Variants in PCSK6 observed in about 807,000 individuals in gnomAD.
The protein encoded by PCSK6 is paired basic amino acid cleaving enzyme 4.
PCSK6 carries 85 observed loss-of-function variants against 123.3 expected under a neutral mutation model. That is an observed-to-expected ratio of 0.69 (90% CI 0.58 to 0.83). PCSK6 has a LOEUF of 0.83. PCSK6 is among the 40% of genes least tolerant of loss of function. The probability of loss-of-function intolerance (pLI) is 0.00; values close to 1 mark genes in which losing one functional copy is unlikely to be tolerated. For missense variants in PCSK6, 1,191 were observed against 1,282.3 expected (o/e 0.93, Z 1.09); for synonymous variants, 508 against 516.0 (o/e 0.98, Z 0.21).
chr15:101,398,684 C>T lies in PCSK6; in HGVS notation c.824-108G>A, dbSNP rs1342262371. 8.3e-7 allele frequency: 1 copy of T among 1,199,642 alleles called. No individual in the cohort carries two copies. Among genetic ancestry groups the T allele is most frequent in the Non-Finnish European group, 1.2e-6 (1 of 866,036 alleles). The allele number at this position is 1,199,642 out of a possible 1,614,324, so 74.3% of individuals were successfully genotyped here. A position where few individuals can be genotyped will look rare whatever the true frequency, so the allele number is the denominator to read the frequency against. ...GAGGACACCGCATCACAGAGTCCCT[C>T]CCCAGCAGGGGCTGTTCCCAGTCAT... On this transcript the variant is annotated intron_variant, in intron 6 of 21. Coordinates refer to ENST00000611716, the MANE Select transcript of PCSK6 (RefSeq NM_002570.5). The surrounding 1 kb of genome is among the most constrained non-coding windows in gnomAD (Gnocchi z 4.6).
chr15:101,379,811 G>A (rs770305915), intron 11 of PCSK6, among the ~76,000 whole-genome samples: 2 of 152,246 alleles, frequency 1.3e-5, no homozygotes, highest in East Asian at 1.9e-4. Flanking sequence ...GGGGATACTC[G>A]CGGCTCAGGT....
rs1401860817 is a variant in PCSK6, at chr15:101,430,073, G to C, written c.658-10C>G. On this transcript the variant is annotated splice_polypyrimidine_tract_variant and intron_variant, in intron 4 of 21. Transcript: ENST00000611716. ...AGCTGGCGTAGGAATCCTAAGAAAT[G>C]GAATCGTGGTGAGTGAGGAGAAATG... The C allele has an allele frequency of 6.2e-7, 1 of 1,612,184 alleles. No homozygotes were observed. The highest frequency in any genetic ancestry group is 1.1e-5 in the South Asian group (1 of 91,022).
intron 13 of PCSK6, among the ~76,000 whole-genome samples, chr15:101,339,547 T>C (rs979739857): frequency 6.6e-6 from 1 of 152,192 alleles, no homozygotes; most frequent in Non-Finnish European, 1.5e-5. Flanking sequence ...ACTCCTATAA[T>C]TTACTCCTTA....
chr15:101,362,681 T>C (rs28645511), intron 13 of PCSK6, among the ~76,000 whole-genome samples: 4,584 of 152,214 alleles, frequency 0.03, 247 homozygotes, highest in African/African-American at 0.1. Flanking sequence ...TTACCTGATT[T>C]CATCCCACCG....
chr15:101,392,353 G>A (rs1596279198), intron 8 of PCSK6, among the ~76,000 whole-genome samples: 2 of 152,226 alleles, frequency 1.3e-5, no homozygotes, highest in Non-Finnish European at 2.9e-5. Flanking sequence ...TTTCACTGGT[G>A]CGGAGCAAAG....
At chr15:101,347,803 G>A (rs1431169340) in intron 13 of PCSK6, 2 of 1,588,712 alleles carry the variant, frequency 1.3e-6, no homozygotes, top group South Asian at 1.1e-5. Flanking sequence ...CTGAAGTGAA[G>A]CCCATGGGCT....
At chr15:101,318,816 G>A (rs972533759) in intron 18 of PCSK6, among the ~76,000 whole-genome samples, 4 of 152,254 alleles carry the variant, frequency 2.6e-5, no homozygotes, top group African/African-American at 9.6e-5. Context: ...CATTTATGGC[G>A]TGTGACGGGG....
chr15:101,304,940 T>C lies in PCSK6; in HGVS notation c.*318A>G, dbSNP rs1567131746. The C allele has an allele frequency of 3.4e-6, 1 of 296,316 alleles. No homozygotes were observed. The highest frequency in any genetic ancestry group is 6.4e-6 in the Non-Finnish European group (1 of 157,340). 18.4% of individuals were successfully genotyped at this position (296,316 alleles called of 1,614,324 possible). Reference sequence around the variant, plus strand: ...GCGCCTTTCTTTTCTGCTTTGGTCTTGAAGATTCAGTAAACTTATGGTCCC... The same window carrying C: ...GCGCCTTTCTTTTCTGCTTTGGTCTCGAAGATTCAGTAAACTTATGGTCCC... On this transcript the variant is annotated 3_prime_UTR_variant, in exon 22 of 22. Coordinates refer to ENST00000611716, the MANE Select transcript of PCSK6 (RefSeq NM_002570.5).
intron 1 of PCSK6, among the ~76,000 whole-genome samples, chr15:101,446,253 G>A (rs913511466): frequency 6.6e-6 from 1 of 152,258 alleles, no homozygotes; most frequent in Admixed American, 6.5e-5. Flanking sequence ...TCACACATTC[G>A]TCCTCTGTGA....
At chr15:101,465,303 C>T (rs570464780) in intron 1 of PCSK6, among the ~76,000 whole-genome samples, 6 of 116,000 alleles carry the variant, frequency 5.2e-5, no homozygotes, top group African/African-American at 1.9e-4. Flanking sequence ...AACACAGGCC[C>T]TAAACCCGCA....
intron 13 of PCSK6, among the ~76,000 whole-genome samples, chr15:101,342,333 A>G (rs2040633901): frequency 6.6e-6 from 1 of 152,130 alleles, no homozygotes; most frequent in South Asian, 2.1e-4. Context: ...AATTCTAAGT[A>G]AAGTGTAATA....
At chr15:101,313,605 G>C (rs2039921094) in intron 19 of PCSK6, 100 bp from the exon 20 acceptor site, 3 of 1,489,484 alleles carry the variant, frequency 2.0e-6, no homozygotes, top group Admixed American at 2.1e-5. Context: ...GTACCATTCA[G>C]GAGCCCCCAG....
At chr15:101,416,729 G>C (rs2055900661) in intron 6 of PCSK6, among the ~76,000 whole-genome samples, 1 of 152,262 alleles carries the variant, frequency 6.6e-6, no homozygotes, top group African/African-American at 2.4e-5. Context: ...GCTGAAAGGA[G>C]CCAACGTACA....
In PCSK6 at chr15:101,427,008, C is replaced by A. The variant is rs749873778; in HGVS notation, c.823+884G>T. 3.0e-4 allele frequency among the ~76,000 whole-genome samples: 45 copies of A among 152,246 alleles called. 2 individuals are homozygous for A. The highest frequency in any genetic ancestry group is 3.1e-4 in the Non-Finnish European group (21 of 67,972). The stretch of plus-strand genomic sequence containing the variant: ...GCCCTCTGGCACTCCTCTCTGCTGC[C>A]CCCACTTGCTCAGTTCCCGGGTCAG... On this transcript the variant is annotated intron_variant, in intron 6 of 21. Transcript: ENST00000611716.
chr15:101,472,096 G>A (rs1463902032), intron 1 of PCSK6, among the ~76,000 whole-genome samples: 1 of 152,176 alleles, frequency 6.6e-6, no homozygotes, highest in Non-Finnish European at 1.5e-5. Context: ...ATCGAACGGA[G>A]GCATCGCCCC....
chr15:101,326,615 C>A, intron 15 of PCSK6, 136 bp from the exon 16 acceptor site: 1 of 789,300 alleles, frequency 1.3e-6, no homozygotes, highest in Non-Finnish European at 2.0e-6. Context: ...GGCTGGACGG[C>A]CAGACGACAA....
rs2039702011 is a variant in PCSK6 at position 101,305,445 on chromosome 15, T to C, written c.2813-90A>G. On this transcript the variant is annotated intron_variant, in intron 21 of 21. Coordinates refer to ENST00000611716, the MANE Select transcript of PCSK6 (RefSeq NM_002570.5). This position sits in a 1 kb window ranked among gnomAD's most constrained non-coding sequence, Gnocchi z 4.8. The stretch of plus-strand genomic sequence containing the variant: ...TTTCAAGGCCGGGCGCGGTGCCTCA[T>C]GCCTGTAATCCCAGCACTTTGGGAG... 1 of 1,063,192 alleles carries C rather than the reference T, an allele frequency of 9.4e-7. No homozygotes were observed. The highest frequency in any genetic ancestry group is 1.3e-5 in the South Asian group (1 of 74,392). The allele number at this position is 1,063,192 out of a possible 1,614,324, so 65.9% of individuals were successfully genotyped here.
At chr15:101,306,058 G>A (rs2039715821) in intron 21 of PCSK6, among the ~76,000 whole-genome samples, 1 of 152,042 alleles carries the variant, frequency 6.6e-6, no homozygotes, top group African/African-American at 2.4e-5. Flanking sequence ...GACTGTAGGG[G>A]AGGCCGGAGG....
chr15:101,467,873 G>A, intron 1 of PCSK6, among the ~76,000 whole-genome samples: 1 of 152,208 alleles, frequency 6.6e-6, no homozygotes, highest in East Asian at 1.9e-4. Flanking sequence ...GCGGACAGTG[G>A]CTTCCTGCGG....
Sources: allele counts gnomAD v4.1 joint callset (sites outside exome capture counted in the v4.1 genomes callset), GRCh38; gene constraint gnomAD v4.1.1; non-coding constraint Gnocchi (gnomAD v3.1); transcripts MANE v1.5; gene names NCBI Gene and HGNC (gene_info 2026-07-23, HGNC 2026-07-21).